The following KATNIP variants were observed in gnomAD, a reference collection of about 807,000 sequenced individuals.
KATNIP encodes katanin-interacting protein.
In KATNIP, 126 loss-of-function variants were observed where a neutral mutation model predicts 174.0. That is an observed-to-expected ratio of 0.72 (90% CI 0.63 to 0.84). KATNIP has a LOEUF of 0.84. KATNIP is among the 40% of genes least tolerant of loss of function. The probability of loss-of-function intolerance (pLI) is 0.00; values close to 1 mark genes in which losing one functional copy is unlikely to be tolerated. For synonymous variants in KATNIP, 810 were observed against 835.7 expected, an observed-to-expected ratio of 0.97 and a Z score of 0.53; for missense variants, 1,958 against 2,109.7, an observed-to-expected ratio of 0.93 and a Z score of 1.41.
chr16:27,678,056 A>G (rs759749651), intron 7 of KATNIP, 60 bp downstream of exon 7: 34 of 1,567,268 alleles, frequency 2.2e-5, no homozygotes, highest in Non-Finnish European at 2.9e-5. Flanking sequence ...TAATAGCAGG[A>G]CTTAAACTTC....
chr16:27,636,031 T>C (rs894510599), intron 5 of KATNIP, among the ~76,000 whole-genome samples: 1 of 152,092 alleles, frequency 6.6e-6, no homozygotes, highest in African/African-American at 2.4e-5. Flanking sequence ...CGCACACCTC[T>C]AGTCCCAGCT....
chr16:27,558,777 T>A (rs2089732346), intron 1 of KATNIP, among the ~76,000 whole-genome samples: 1 of 151,658 alleles, frequency 6.6e-6, no homozygotes, highest in Admixed American at 6.6e-5. Context: ...GTTTGCTGAC[T>A]GTTGCCGTGG....
rs1398347003 is a variant in KATNIP, at chr16:27,681,242, C to T, written c.809-157C>T. 35 of 907,294 alleles carry T rather than the reference C, an allele frequency of 3.9e-5. 1 individual carries two copies. Among genetic ancestry groups the T allele is most frequent in the South Asian group, 2.0e-4 (13 of 66,628 alleles). 56.2% of individuals were successfully genotyped at this position (907,294 alleles called of 1,614,324 possible). A position where few individuals can be genotyped will look rare whatever the true frequency, so the allele number is the denominator to read the frequency against. The stretch of plus-strand genomic sequence containing the variant: ...ATGACTCTCAGCAAACTTGTTTCGT[C>T]GCCTGCATTATTCACATCTCTAATC... On this transcript the variant is annotated intron_variant, in intron 7 of 27. Coordinates refer to ENST00000261588, the MANE Select transcript of KATNIP (RefSeq NM_015202.5).
intron 3 of KATNIP, among the ~76,000 whole-genome samples, chr16:27,625,454 A>G (rs1164741837): frequency 6.6e-6 from 1 of 152,182 alleles, no homozygotes; most frequent in Non-Finnish European, 1.5e-5. Context: ...CTCCCTGGAG[A>G]CTGACGGTGC....
chr16:27,640,876 A>AGGCTCACGCC (rs1567240235), intron 5 of KATNIP, among the ~76,000 whole-genome samples: 1 of 151,836 alleles, frequency 6.6e-6, no homozygotes, highest in African/African-American at 2.4e-5. Flanking sequence ...AGGCTCACGC[A>AGGCTCACGCC]TGTAATCCCA....
At chr16:27,601,512 C>T (rs2075524093) in intron 2 of KATNIP, among the ~76,000 whole-genome samples, 1 of 152,088 alleles carries the variant, frequency 6.6e-6, no homozygotes, top group African/African-American at 2.4e-5. Context: ...CGGGTGCTCT[C>T]GAGGTATTTC....
chr16:27,724,534 C>T (rs2080367513), intron 14 of KATNIP, among the ~76,000 whole-genome samples: 1 of 152,164 alleles, frequency 6.6e-6, no homozygotes, highest in African/African-American at 2.4e-5. Context: ...CATGGGGTGT[C>T]ATCATGGGTG....
intron 1 of KATNIP, among the ~76,000 whole-genome samples, chr16:27,568,869 T>G (rs1596743166): frequency 6.6e-6 from 1 of 152,120 alleles, no homozygotes; most frequent in African/African-American, 2.4e-5. Context: ...AAACCTGACC[T>G]TTCATGCCAA....
intron 14 of KATNIP, among the ~76,000 whole-genome samples, chr16:27,730,768 T>C (rs2080644578): frequency 6.6e-6 from 1 of 152,120 alleles, no homozygotes; most frequent in East Asian, 1.9e-4. Context: ...CTGAGGGTGT[T>C]CTTAGGGTTC....
At chr16:27,771,447 G>A (rs976580031) in intron 21 of KATNIP, 141 bp from the exon 22 acceptor site, 1 of 685,552 alleles carries the variant, frequency 1.5e-6, no homozygotes, top group Non-Finnish European at 2.4e-6. Context: ...ACGAGCAGGG[G>A]CCTCATCTCT....
intron 12 of KATNIP, 90 bp downstream of exon 12, chr16:27,704,088 G>C: frequency 1.0e-6 from 1 of 992,736 alleles, no homozygotes. Flanking sequence ...TCTGACAGTG[G>C]TTAAATGAGC....
chr16:27,739,684 G>T (rs368132614), intron 14 of KATNIP, among the ~76,000 whole-genome samples: 22 of 152,322 alleles, frequency 1.4e-4, no homozygotes, highest in African/African-American at 5.1e-4. Context: ...GGACAGATTT[G>T]CTCTGGTAGG....
chr16:27,734,744 G>A (rs986115122), intron 14 of KATNIP, among the ~76,000 whole-genome samples: 1 of 152,112 alleles, frequency 6.6e-6, no homozygotes, highest in Non-Finnish European at 1.5e-5. Flanking sequence ...GAGCTCCACC[G>A]GTACAGGTGC....
chr16:27,777,537 G>A lies in KATNIP; in HGVS notation c.4552-73G>A. 10 of 1,435,162 alleles carry A rather than the reference G, an allele frequency of 7.0e-6. No homozygotes were observed. The highest frequency in any genetic ancestry group is 1.3e-5 in the South Asian group (1 of 74,606). The allele number at this position is 1,435,162 out of a possible 1,614,324, so 88.9% of individuals were successfully genotyped here. A position where few individuals can be genotyped will look rare whatever the true frequency, so the allele number is the denominator to read the frequency against. ...GAGGAGAAAGCCTTGGCTCAGAGCA[G>A]TAACGCGTTCTGCCCAAGGTCAACG... On this transcript the variant is annotated intron_variant, in intron 25 of 27. Transcript: ENST00000261588. The surrounding 1 kb of genome is among the most constrained non-coding windows in gnomAD (Gnocchi z 4.4).
At chr16:27,775,903 G>A (rs1406675310) in intron 24 of KATNIP, among the ~76,000 whole-genome samples, 4 of 152,134 alleles carry the variant, frequency 2.6e-5, no homozygotes, top group African/African-American at 7.2e-5. Flanking sequence ...CCTAAAATTA[G>A]ACCCCCCCTA....
chr16:27,702,607 T>A (rs1319316123), intron 11 of KATNIP, among the ~76,000 whole-genome samples: 1 of 152,136 alleles, frequency 6.6e-6, no homozygotes, highest in Non-Finnish European at 1.5e-5. Context: ...GCCTGTGTGC[T>A]GGTTACTAAG....
At chr16:27,760,213 T>C (rs1266955759) in intron 18 of KATNIP, among the ~76,000 whole-genome samples, 3 of 152,204 alleles carry the variant, frequency 2.0e-5, no homozygotes. Context: ...CTGGCATTTC[T>C]GTGAACGCTG....
At chr16:27,604,057 T>C (rs2075623808) in intron 2 of KATNIP, among the ~76,000 whole-genome samples, 1 of 152,114 alleles carries the variant, frequency 6.6e-6, no homozygotes, top group Non-Finnish European at 1.5e-5. Context: ...CTTTCTATTC[T>C]CCATAGCACT....
intron 2 of KATNIP, among the ~76,000 whole-genome samples, chr16:27,580,320 C>T (rs2090649466): frequency 6.6e-6 from 1 of 152,074 alleles, no homozygotes; most frequent in African/African-American, 2.4e-5. Context: ...GCCGTGTTGC[C>T]CAGGTTGATC....
Sources: gnomAD v4.1 joint callset for allele counts (sites outside exome capture counted in the v4.1 genomes callset) on GRCh38, gnomAD v4.1.1 for gene constraint, Gnocchi (gnomAD v3.1) non-coding constraint, MANE v1.5 for transcripts, NCBI Gene and HGNC (gene_info 2026-07-23, HGNC 2026-07-21) for gene names.